CCDC91: variants seen among roughly 807,000 people sequenced by gnomAD.
The protein encoded by CCDC91 is coiled-coil domain-containing protein 91.
Under a neutral mutation model 63.2 loss-of-function variants are expected in CCDC91, and 48 were observed. The observed-to-expected ratio is 0.76, with a 90% confidence interval of 0.60 to 0.97. CCDC91 has a LOEUF of 0.97. Ranked by LOEUF, CCDC91 falls within the 50% of genes least tolerant of loss-of-function variation. The probability of loss-of-function intolerance (pLI) is 0.00; values close to 1 mark genes in which losing one functional copy is unlikely to be tolerated. For missense variants in CCDC91, 500 were observed against 494.6 expected (o/e 1.01, Z -0.10); for synonymous variants, 167 against 165.8 (o/e 1.01, Z -0.06).
rs1391754670 is a variant in CCDC91 at position 28,254,706 on chromosome 12, G to C, written c.-14-2496G>C. On this transcript the variant is annotated intron_variant, in intron 1 of 12. Coordinates refer to ENST00000536442, the MANE Select transcript of CCDC91 (RefSeq NM_018318.5). ...TCTAGAATTATATGTTAAGTAACTTGGGACATAATTTGTTTTTTTAAACGT... is the reference window on the plus strand; with the variant it reads ...TCTAGAATTATATGTTAAGTAACTTCGGACATAATTTGTTTTTTTAAACGT... 4.6e-5 allele frequency among the ~76,000 whole-genome samples: 7 copies of C among 151,486 alleles called. No individual in the cohort carries two copies. In the East Asian group the frequency reaches 1.4e-3, roughly 29 times the overall value.
At chr12:28,267,888 A>G (rs1431958353) in intron 3 of CCDC91, among the ~76,000 whole-genome samples, 2 of 49,132 alleles carry the variant, frequency 4.1e-5, no homozygotes, top group South Asian at 1.1e-3. Context: ...TATAATTATT[A>G]TAATTATATA....
At chr12:28,279,933 T>G (rs1156635904) in intron 3 of CCDC91, among the ~76,000 whole-genome samples, 2 of 152,170 alleles carry the variant, frequency 1.3e-5, no homozygotes, top group Admixed American at 1.3e-4. Flanking sequence ...GGGTGTGGTC[T>G]AAAATATGAT....
At chr12:28,390,651 A>G (rs116440811) in intron 7 of CCDC91, among the ~76,000 whole-genome samples, 2,333 of 152,272 alleles carry the variant, frequency 0.015, 72 homozygotes, top group African/African-American at 0.053. Context: ...TACAGTATCC[A>G]ATTAAGTATG....
chr12:28,222,036 G>C (rs1943985635), intron 1 of CCDC91, among the ~76,000 whole-genome samples: 1 of 152,104 alleles, frequency 6.6e-6, no homozygotes, highest in Admixed American at 6.6e-5. Flanking sequence ...TTTCTTTTGG[G>C]AATCACAATT....
rs1000508077 is a variant in CCDC91, at chr12:28,273,405, G to T, written c.109+13963G>T. Among the ~76,000 whole-genome samples the T allele has an allele frequency of 5.3e-5, 8 of 152,166 alleles. No individual in the cohort carries two copies. In the East Asian group the frequency reaches 5.8e-4, roughly 11 times the overall value. Reference sequence around the variant, plus strand: ...GTATTTCTAGTTCTAGATCCCTGAGGAATTGCCACACTGACTTCCACAATG... The same window carrying T: ...GTATTTCTAGTTCTAGATCCCTGAGTAATTGCCACACTGACTTCCACAATG... On this transcript the variant is annotated intron_variant, in intron 3 of 12. Coordinates refer to ENST00000536442, the MANE Select transcript of CCDC91 (RefSeq NM_018318.5).
At chr12:28,361,795 CTG>C (rs1565856879) in intron 6 of CCDC91, among the ~76,000 whole-genome samples, 1 of 138,746 alleles carries the variant, frequency 7.2e-6, no homozygotes, top group African/African-American at 2.7e-5. Context: ...TTTAAAAACT[CTG>C]TGATAACTAG....
At chr12:28,416,730 C>T (rs1947685014) in intron 8 of CCDC91, among the ~76,000 whole-genome samples, 2 of 152,056 alleles carry the variant, frequency 1.3e-5, no homozygotes, top group Non-Finnish European at 2.9e-5. Flanking sequence ...CTGGCAAGAT[C>T]AGGAGCCAGG....
chr12:28,276,648 A>G (rs541625832), intron 3 of CCDC91, among the ~76,000 whole-genome samples: 15 of 152,060 alleles, frequency 9.9e-5, no homozygotes, highest in East Asian at 3.9e-4. Flanking sequence ...CAGCCTTTCA[A>G]GGTCTTGGGG....
chr12:28,404,295 G>T (rs1183531019), intron 8 of CCDC91, among the ~76,000 whole-genome samples: 2 of 151,786 alleles, frequency 1.3e-5, no homozygotes, highest in Non-Finnish European at 2.9e-5. Flanking sequence ...AATATTGTTG[G>T]ATTTTCTAGC....
At chr12:28,530,661 C>T (rs757968108) in intron 12 of CCDC91, among the ~76,000 whole-genome samples, 3 of 151,986 alleles carry the variant, frequency 2.0e-5, no homozygotes, top group Non-Finnish European at 4.4e-5. Flanking sequence ...TTTTATATCT[C>T]CATGGTGTGA....
At chr12:28,497,699 G>A (rs1035523242) in intron 12 of CCDC91, among the ~76,000 whole-genome samples, 15 of 151,438 alleles carry the variant, frequency 9.9e-5, no homozygotes, top group African/African-American at 3.1e-4. Context: ...ATTAATTTTT[G>A]CATGTATAAT....
intron 1 of CCDC91, among the ~76,000 whole-genome samples, chr12:28,217,765 A>G (rs1163699974): frequency 3.3e-5 from 5 of 152,124 alleles, no homozygotes; most frequent in African/African-American, 1.2e-4. Flanking sequence ...CTGAAAAAAA[A>G]AATAAGGCTT....
intron 6 of CCDC91, among the ~76,000 whole-genome samples, chr12:28,331,144 A>T (rs1256340479): frequency 2.0e-5 from 3 of 152,230 alleles, no homozygotes; most frequent in Non-Finnish European, 4.4e-5. Flanking sequence ...AAATATTCTG[A>T]GGCAAAGACT....
intron 6 of CCDC91, among the ~76,000 whole-genome samples, chr12:28,332,493 T>G (rs550755463): frequency 9.8e-5 from 15 of 152,344 alleles, no homozygotes; most frequent in African/African-American, 3.6e-4. Context: ...ACACTACTTT[T>G]ATATACCTGT....
At chr12:28,458,454 CCTTTTT>C (rs1566005703) in intron 11 of CCDC91, among the ~76,000 whole-genome samples, 1 of 71,482 alleles carries the variant, frequency 1.4e-5, no homozygotes, top group African/African-American at 8.1e-5. Context: ...CATTTGCACA[CCTTTTT>C]TTTTTTTTTT....
At chr12:28,528,147 A>T (rs996485877) in intron 12 of CCDC91, among the ~76,000 whole-genome samples, 1 of 152,078 alleles carries the variant, frequency 6.6e-6, no homozygotes, top group African/African-American at 2.4e-5. Context: ...AATTGTTGCA[A>T]AGTTCCACTG....
At chr12:28,527,522 G>T (rs1361419796) in intron 12 of CCDC91, among the ~76,000 whole-genome samples, 1 of 152,194 alleles carries the variant, frequency 6.6e-6, no homozygotes, top group African/African-American at 2.4e-5. Context: ...GAGTGAAATG[G>T]ACTCTGAGTG....
intron 6 of CCDC91, among the ~76,000 whole-genome samples, chr12:28,326,304 T>A (rs1474152441): frequency 2.6e-5 from 4 of 152,092 alleles, no homozygotes; most frequent in African/African-American, 9.7e-5. Context: ...ATTTGGGATA[T>A]TTTTTATTAT....
At chr12:28,380,131 A>C (rs928042746) in intron 7 of CCDC91, among the ~76,000 whole-genome samples, 1 of 152,056 alleles carries the variant, frequency 6.6e-6, no homozygotes, top group Non-Finnish European at 1.5e-5. Context: ...CAATGAGATC[A>C]CTTGGACACA....
Sources: allele counts gnomAD v4.1 joint callset (sites outside exome capture counted in the v4.1 genomes callset), GRCh38; gene constraint gnomAD v4.1.1; transcripts MANE v1.5; gene names NCBI Gene and HGNC (gene_info 2026-07-23, HGNC 2026-07-21).